The following PCDHGA2 variants were observed in gnomAD, a reference collection of about 807,000 sequenced individuals.
PCDHGA2 encodes protocadherin gamma-A2.
PCDHGA2 carries 40 observed loss-of-function variants against 59.2 expected under a neutral mutation model. The observed-to-expected ratio is 0.68, with a 90% confidence interval of 0.52 to 0.88. The LOEUF (loss-of-function observed/expected upper bound fraction) is 0.88. PCDHGA2 is among the 40% of genes least tolerant of loss of function. The pLI, the probability that PCDHGA2 is intolerant of heterozygous loss-of-function variation, is 0.00. For synonymous variants in PCDHGA2, 560 were observed against 526.0 expected, an observed-to-expected ratio of 1.06 and a Z score of -0.89; for missense variants, 1,226 against 1,204.0, an observed-to-expected ratio of 1.02 and a Z score of -0.27.
In PCDHGA2 at chr5:141,346,456, A is replaced by T. The variant is rs1338617478; in HGVS notation, c.2424+5061A>T. The T allele has an allele frequency of 2.3e-5, 37 of 1,614,084 alleles. No homozygotes were observed. Among genetic ancestry groups the T allele is most frequent in the Non-Finnish European group, 2.6e-5 (31 of 1,180,036 alleles). On this transcript the variant is annotated intron_variant, in intron 1 of 3. Transcript: ENST00000394576. ...ATGAAAGGAGATTCCAACCTACTTC[A>T]GGTGAGTTTATTTATTTCTTTGATT...
intron 1 of PCDHGA2, chr5:141,355,436 C>G: frequency 1.2e-6 from 2 of 1,614,090 alleles, no homozygotes; most frequent in Non-Finnish European, 1.7e-6. Context: ...GCCCTGAACC[C>G]GCGCAGCGGC....
Position 141,414,286 on chromosome 5 carries a change from G to T in PCDHGA2, c.2424+72891G>T, listed in dbSNP as rs2095728607. On this transcript the variant is annotated intron_variant, in intron 1 of 3. Transcript: ENST00000394576. Reference sequence around the variant, plus strand: ...AGATTCACCTCTGGGAACAGTCGTAGCCCTTTTAAATGTGCATGATTTAGA... The same window carrying T: ...AGATTCACCTCTGGGAACAGTCGTATCCCTTTTAAATGTGCATGATTTAGA... 1.2e-6 allele frequency: 2 copies of T among 1,613,466 alleles called. No homozygotes were observed. The highest frequency in any genetic ancestry group is 1.7e-6 in the Non-Finnish European group (2 of 1,179,778).
intron 1 of PCDHGA2, chr5:141,351,151 C>G: frequency 1.2e-6 from 2 of 1,614,024 alleles, no homozygotes; most frequent in Non-Finnish European, 1.7e-6. Context: ...CTGGCGACAT[C>G]ACAACCAATG....
chr5:141,350,168 A>T, intron 1 of PCDHGA2: 1 of 1,183,752 alleles, frequency 8.4e-7, no homozygotes, highest in Non-Finnish European at 1.1e-6. Context: ...CCTAACTAAT[A>T]AGTCCTAAGC....
At chr5:141,410,544 G>A (rs1370251538) in intron 1 of PCDHGA2, 3 of 1,613,640 alleles carry the variant, frequency 1.9e-6, no homozygotes, top group Non-Finnish European at 2.5e-6. Flanking sequence ...GACATGGTTT[G>A]CAGTGTTTCT....
chr5:141,437,076 A>T (rs1018228245), intron 1 of PCDHGA2, among the ~76,000 whole-genome samples: 2 of 152,236 alleles, frequency 1.3e-5, no homozygotes, highest in African/African-American at 4.8e-5. Context: ...TTTGGGCCAT[A>T]TAAGAATTGA....
At chr5:141,408,812 G>T (rs1383299883) in intron 1 of PCDHGA2, 2 of 1,613,454 alleles carry the variant, frequency 1.2e-6, no homozygotes, top group Non-Finnish European at 8.5e-7. Context: ...AGACCGGGAA[G>T]AACAGAGATC....
chr5:141,439,416 G>T (rs1169961917), intron 1 of PCDHGA2, among the ~76,000 whole-genome samples: 3 of 152,156 alleles, frequency 2.0e-5, no homozygotes, highest in African/African-American at 7.2e-5. Flanking sequence ...CATCACTGAG[G>T]TTATAAATTC....
At chr5:141,420,370 T>A in intron 1 of PCDHGA2, 1 of 1,352,032 alleles carries the variant, frequency 7.4e-7, no homozygotes, top group South Asian at 1.8e-5. Flanking sequence ...GATAACTTCT[T>A]CATAGAGTTC....
chr5:141,419,591 G>A lies in PCDHGA2; in HGVS notation c.2425-75216G>A, dbSNP rs574335266. The A allele has an allele frequency of 2.2e-5, 35 of 1,611,826 alleles. No individual in the cohort carries two copies. The African/African-American group carries it at 4.0e-4, about 18-fold the overall frequency. On this transcript the variant is annotated intron_variant, in intron 1 of 3. Coordinates refer to ENST00000394576, the MANE Select transcript of PCDHGA2 (RefSeq NM_018915.4). ...CGACGGCTCCGCGCTCTTCGACACA[G>A]TGCCGCGGGCCGCGCAGCCAGGCTA...
intron 1 of PCDHGA2, chr5:141,370,520 CA>C: frequency 6.2e-7 from 1 of 1,613,870 alleles, no homozygotes; most frequent in Non-Finnish European, 8.5e-7. Flanking sequence ...AGGAGCTGGA[CA>C]GGGGCTCGCT....
At chr5:141,500,417 G>A in intron 2 of PCDHGA2, among the ~76,000 whole-genome samples, 1 of 151,736 alleles carries the variant, frequency 6.6e-6, no homozygotes, top group East Asian at 2.0e-4. Flanking sequence ...CACCGTGTTA[G>A]CCAGGATGGT....
chr5:141,399,590 T>G, intron 1 of PCDHGA2: 1 of 1,613,972 alleles, frequency 6.2e-7, no homozygotes, highest in East Asian at 2.2e-5. Context: ...TACTCTATCA[T>G]GGCCAGCGAC....
At chr5:141,405,880 G>T (rs2094729430) in intron 1 of PCDHGA2, among the ~76,000 whole-genome samples, 1 of 152,110 alleles carries the variant, frequency 6.6e-6, no homozygotes, top group Non-Finnish European at 1.5e-5. Flanking sequence ...GGGCCTAATT[G>T]TTGCTCCAAC....
chr5:141,393,071 C>T (rs927273885), intron 1 of PCDHGA2: 3 of 1,613,680 alleles, frequency 1.9e-6, no homozygotes, highest in Non-Finnish European at 2.5e-6. Context: ...GCTTGATCAC[C>T]GCGGGCAGGA....
At chr5:141,379,947 T>C (rs546796076) in intron 1 of PCDHGA2, among the ~76,000 whole-genome samples, 40 of 134,556 alleles carry the variant, frequency 3.0e-4, no homozygotes, top group African/African-American at 9.9e-4. Context: ...TCTCCCAGGC[T>C]GGAATGCAGT....
Position 141,418,737 on chromosome 5 carries a change from C to T in PCDHGA2, c.2425-76070C>T, listed in dbSNP as rs768683069. 7.4e-6 allele frequency: 12 copies of T among 1,613,960 alleles called. No homozygotes were observed. The South Asian group carries it at 1.3e-4, about 18-fold the overall frequency. ...GCTGACAAAGCTCAGCACGTGTTCT[C>T]TCTGGATTACACTACAGGAAACATT... On this transcript the variant is annotated intron_variant, in intron 1 of 3. Coordinates refer to ENST00000394576, the MANE Select transcript of PCDHGA2 (RefSeq NM_018915.4).
chr5:141,427,810 G>T, intron 1 of PCDHGA2: 1 of 1,523,990 alleles, frequency 6.6e-7, no homozygotes, highest in Non-Finnish European at 9.0e-7. Flanking sequence ...AGCGCACAGA[G>T]CGGGGTGGTG....
In PCDHGA2 at chr5:141,374,216, G is replaced by A. The variant is rs745786041; in HGVS notation, c.2424+32821G>A. On this transcript the variant is annotated intron_variant, in intron 1 of 3. Transcript: ENST00000394576. The stretch of plus-strand genomic sequence containing the variant: ...CGAGGAGCTGGAGAAAGGCTCCTTC[G>A]TAGGCAACATCGTCAAGGATCTGGG... The A allele has an allele frequency of 5.6e-6, 9 of 1,613,860 alleles. No individual in the cohort carries two copies. In the South Asian group the frequency reaches 7.7e-5, roughly 14 times the overall value.
Sources: allele counts gnomAD v4.1 joint callset (sites outside exome capture counted in the v4.1 genomes callset), GRCh38; gene constraint gnomAD v4.1.1; transcripts MANE v1.5; gene names NCBI Gene and HGNC (gene_info 2026-07-23, HGNC 2026-07-21).